Variants in SMYD3 observed in about 807,000 individuals in gnomAD.
SMYD3 encodes the protein SET and MYND domain containing 3, also known as histone-lysine N-methyltransferase SMYD3.
SMYD3 carries 36 observed loss-of-function variants against 57.7 expected under a neutral mutation model. The observed-to-expected ratio is 0.62, with a 90% CI of 0.48 to 0.82. The LOEUF (loss-of-function observed/expected upper bound fraction) is 0.82. Among genes scored for constraint, SMYD3 ranks in the 40% least tolerant of loss-of-function variants. The pLI, the probability that SMYD3 is intolerant of heterozygous loss-of-function variation, is 0.00. For missense variants in SMYD3, 515 were observed against 538.8 expected, an observed-to-expected ratio of 0.96 and a Z score of 0.44; for synonymous variants, 211 against 195.0, an observed-to-expected ratio of 1.08 and a Z score of -0.68.
intron 11 of SMYD3, among the ~76,000 whole-genome samples, chr1:245,750,200 C>G (rs1042903816): frequency 6.6e-6 from 1 of 152,092 alleles, no homozygotes; most frequent in Non-Finnish European, 1.5e-5. Flanking sequence ...CAAAATATTT[C>G]TGAAATCTGT....
chr1:245,795,499 T>C (rs972398210), intron 10 of SMYD3, among the ~76,000 whole-genome samples: 1 of 152,254 alleles, frequency 6.6e-6, no homozygotes, highest in African/African-American at 2.4e-5. Flanking sequence ...AGCCAGTGGC[T>C]TCAGCTCCAT....
At chr1:246,458,761 C>T (rs564880596) in intron 1 of SMYD3, among the ~76,000 whole-genome samples, 1 of 151,516 alleles carries the variant, frequency 6.6e-6, no homozygotes, top group South Asian at 2.1e-4. Flanking sequence ...CCACCGCGCC[C>T]GGCCGGAAAA....
At position 245,818,508 on chromosome 1, in the gene SMYD3, A is replaced by T. The variant is rs563493904; in HGVS notation, c.1076+39988T>A. Among the ~76,000 whole-genome samples, 11 of 152,304 alleles carry T rather than the reference A, an allele frequency of 7.2e-5. 1 individual carries two copies. The highest frequency in any genetic ancestry group is 2.4e-4 in the African/African-American group (10 of 41,568). ...CAACTAACGAGCAAAATAACCAGCTAACATCATAATGACAGGATCAAATTC... is the reference window on the plus strand; with the variant it reads ...CAACTAACGAGCAAAATAACCAGCTTACATCATAATGACAGGATCAAATTC... On this transcript the variant is annotated intron_variant, in intron 10 of 11. Coordinates refer to ENST00000490107, the MANE Select transcript of SMYD3 (RefSeq NM_001167740.2).
intron 5 of SMYD3, among the ~76,000 whole-genome samples, chr1:245,993,483 G>A (rs1334050159): frequency 1.3e-5 from 2 of 152,062 alleles, no homozygotes; most frequent in Non-Finnish European, 2.9e-5. Flanking sequence ...ACCTATAATC[G>A]CAGCTACTAG....
chr1:246,368,312 A>C (rs971049050), intron 1 of SMYD3, among the ~76,000 whole-genome samples: 10 of 152,162 alleles, frequency 6.6e-5, no homozygotes, highest in African/African-American at 2.4e-4. Context: ...AGAGGGAAAG[A>C]GTATGTCCAT....
intron 5 of SMYD3, among the ~76,000 whole-genome samples, chr1:246,086,280 T>C (rs2060719741): frequency 6.9e-6 from 1 of 145,040 alleles, no homozygotes; most frequent in African/African-American, 2.6e-5. Context: ...ATTCCGAAGC[T>C]AACGCACTGT....
chr1:246,014,941 C>T (rs561061078), intron 5 of SMYD3, among the ~76,000 whole-genome samples: 24 of 152,118 alleles, frequency 1.6e-4, no homozygotes, highest in Non-Finnish European at 3.1e-4. Context: ...TCTTTCCCTG[C>T]GTCTTCAGTA....
At chr1:246,243,615 T>C (rs919179802) in intron 5 of SMYD3, among the ~76,000 whole-genome samples, 10 of 151,968 alleles carry the variant, frequency 6.6e-5, no homozygotes, top group African/African-American at 2.2e-4. Context: ...ACATTATATA[T>C]ATGAATATTC....
intron 10 of SMYD3, among the ~76,000 whole-genome samples, chr1:245,829,926 T>C (rs1572459075): frequency 6.6e-6 from 1 of 152,112 alleles, no homozygotes; most frequent in Non-Finnish European, 1.5e-5. Context: ...CAAATCTAGA[T>C]AAATAGCAGA....
intron 10 of SMYD3, among the ~76,000 whole-genome samples, chr1:245,809,003 C>T (rs2048325307): frequency 6.6e-6 from 1 of 152,146 alleles, no homozygotes; most frequent in Non-Finnish European, 1.5e-5. Context: ...CCTCCGCCCG[C>T]CTCGGCCTCC....
At chr1:245,956,446 G>C (rs578169848) in intron 5 of SMYD3, among the ~76,000 whole-genome samples, 1 of 152,352 alleles carries the variant, frequency 6.6e-6, no homozygotes, top group South Asian at 2.1e-4. Flanking sequence ...GCTGACACAA[G>C]TGAGGGAGCA....
chr1:246,196,636 C>T (rs555518695), intron 5 of SMYD3, among the ~76,000 whole-genome samples: 2 of 152,240 alleles, frequency 1.3e-5, no homozygotes, highest in Admixed American at 1.3e-4. Flanking sequence ...AACTACAATA[C>T]AACATTCTTT....
intron 5 of SMYD3, among the ~76,000 whole-genome samples, chr1:246,115,378 C>A (rs946549973): frequency 6.6e-6 from 1 of 152,086 alleles, no homozygotes; most frequent in Non-Finnish European, 1.5e-5. Context: ...AGTGACTTGC[C>A]CTACACTAAA....
intron 5 of SMYD3, among the ~76,000 whole-genome samples, chr1:246,255,505 A>G (rs2063868009): frequency 6.6e-6 from 1 of 151,910 alleles, no homozygotes; most frequent in Non-Finnish European, 1.5e-5. Flanking sequence ...TATTGAATCA[A>G]CTTTCATCCC....
chr1:246,098,911 T>C (rs1371945627), intron 5 of SMYD3, among the ~76,000 whole-genome samples: 1 of 152,196 alleles, frequency 6.6e-6, no homozygotes. Flanking sequence ...ATAACTAAAA[T>C]GTCATTTGCC....
intron 2 of SMYD3, among the ~76,000 whole-genome samples, chr1:246,337,390 T>C (rs2065559611): frequency 6.6e-6 from 1 of 152,196 alleles, no homozygotes; most frequent in Non-Finnish European, 1.5e-5. Flanking sequence ...CTCAGATATA[T>C]CTATATATTT....
chr1:246,351,365 T>C (rs1367238382), intron 2 of SMYD3, among the ~76,000 whole-genome samples: 1 of 152,236 alleles, frequency 6.6e-6, no homozygotes, highest in Non-Finnish European at 1.5e-5. Flanking sequence ...GTGAATTACT[T>C]GAAATTGACT....
intron 11 of SMYD3, among the ~76,000 whole-genome samples, chr1:245,763,761 T>C (rs1001603229): frequency 2.0e-5 from 3 of 152,134 alleles, no homozygotes; most frequent in Admixed American, 6.5e-5. Context: ...TCAGACTGGT[T>C]TGTACCAGTG....
chr1:245,817,333 G>T (rs1225813787), intron 10 of SMYD3, among the ~76,000 whole-genome samples: 2 of 145,046 alleles, frequency 1.4e-5, no homozygotes, highest in Non-Finnish European at 3.0e-5. Flanking sequence ...TGCAGCTGAG[G>T]GTCCTGCCTG....
Sources: allele counts gnomAD v4.1 joint callset (sites outside exome capture counted in the v4.1 genomes callset), GRCh38; gene constraint gnomAD v4.1.1; transcripts MANE v1.5; gene names NCBI Gene and HGNC (gene_info 2026-07-23, HGNC 2026-07-21).